CDC42BPA: variants seen among roughly 807,000 people sequenced by gnomAD.
CDC42BPA encodes the protein CDC42 binding protein kinase alpha.
CDC42BPA carries 80 observed loss-of-function variants against 223.5 expected under a neutral mutation model. The ratio of observed to expected loss-of-function variants is 0.36; its 90% CI spans 0.30 to 0.43. The LOEUF is 0.43. Ranked by LOEUF, CDC42BPA falls within the 20% of genes least tolerant of loss-of-function variation. The pLI, the probability that CDC42BPA is intolerant of heterozygous loss-of-function variation, is 1.00. For synonymous variants in CDC42BPA, 694 were observed against 718.6 expected (o/e 0.97, Z 0.55); for missense variants, 1,743 against 2,099.9 (o/e 0.83, Z 3.32).
chr1:227,051,461 G>A (rs1455673966), intron 22 of CDC42BPA, among the ~76,000 whole-genome samples: 1 of 152,108 alleles, frequency 6.6e-6, no homozygotes, highest in Non-Finnish European at 1.5e-5. Context: ...CTATTCAGTT[G>A]CCAGAAGTGG....
At chr1:227,229,117 C>T (rs562110659) in intron 2 of CDC42BPA, among the ~76,000 whole-genome samples, 3 of 152,208 alleles carry the variant, frequency 2.0e-5, no homozygotes, top group South Asian at 2.1e-4. Flanking sequence ...AAAATTTACA[C>T]CTATGTTTCC....
intron 27 of CDC42BPA, 142 bp downstream of exon 27, chr1:227,033,192 T>G (rs1018862984): frequency 1.3e-5 from 7 of 543,742 alleles, no homozygotes; most frequent in Non-Finnish European, 2.0e-5. Context: ...TTCTATACCT[T>G]CAAGTACTGG....
intron 21 of CDC42BPA, 136 bp downstream of exon 21, chr1:227,069,641 A>C: frequency 1.7e-6 from 1 of 584,458 alleles, no homozygotes; most frequent in Non-Finnish European, 3.1e-6. Flanking sequence ...TCCTCTGCTA[A>C]TATGTTTTTG....
intron 23 of CDC42BPA, among the ~76,000 whole-genome samples, chr1:227,047,570 G>A (rs1012612554): frequency 2.0e-5 from 3 of 151,750 alleles, no homozygotes; most frequent in Non-Finnish European, 2.9e-5. Flanking sequence ...GGAAAAAAAA[G>A]TCCACCTGAA....
At position 227,006,904 on chromosome 1, in the gene CDC42BPA, A is replaced by G. The variant is rs147037026; in HGVS notation, c.4858-1793T>C. Among the ~76,000 whole-genome samples, 430 of 135,444 alleles carry G rather than the reference A, an allele frequency of 3.2e-3. 4 individuals are homozygous for G. Among genetic ancestry groups the G allele is most frequent in the African/African-American group, 0.012 (412 of 34,376 alleles). The allele number at this position is 135,444 out of a possible 152,430, so 88.9% of individuals were successfully genotyped here. A position where few individuals can be genotyped will look rare whatever the true frequency, so the allele number is the denominator to read the frequency against. On this transcript the variant is annotated intron_variant, in intron 34 of 36. Coordinates refer to ENST00000366766, the MANE Select transcript of CDC42BPA (RefSeq NM_001394014.1). Reference sequence around the variant, plus strand: ...GGAGGAGCCAAGATCACGCCACTGCACTCCGGCCTGGGCGTGCACTCACTC... The same window carrying G: ...GGAGGAGCCAAGATCACGCCACTGCGCTCCGGCCTGGGCGTGCACTCACTC...
At position 227,000,034 on chromosome 1, in the gene CDC42BPA, C is replaced by A. The variant is rs530330227; in HGVS notation, c.4975+4960G>T. On this transcript the variant is annotated intron_variant, in intron 35 of 36. Transcript: ENST00000366766. ...TGATGGGTGCAGCAAACTACCATGG[C>A]ACATGTATACCTATGTAACAAACCT... Among the ~76,000 whole-genome samples, 3 of 151,822 alleles carry A rather than the reference C, an allele frequency of 2.0e-5. No individual in the cohort carries two copies. In the South Asian group the frequency reaches 6.2e-4, roughly 32 times the overall value.
chr1:227,199,950 CA>C (rs1286273364), intron 3 of CDC42BPA, among the ~76,000 whole-genome samples: 1 of 152,094 alleles, frequency 6.6e-6, no homozygotes, highest in Non-Finnish European at 1.5e-5. Flanking sequence ...TAAATGTCTA[CA>C]TTTTGCCATA....
chr1:227,273,960 T>C (rs1418685514), intron 1 of CDC42BPA, among the ~76,000 whole-genome samples: 1 of 135,562 alleles, frequency 7.4e-6, no homozygotes, highest in Non-Finnish European at 1.5e-5. Flanking sequence ...GGGAGGTGTT[T>C]CCTGGTTTGA....
chr1:227,118,811 T>G (rs1351441386), intron 12 of CDC42BPA, among the ~76,000 whole-genome samples: 4 of 152,106 alleles, frequency 2.6e-5, no homozygotes, highest in Non-Finnish European at 5.9e-5. Context: ...CAGTTTTAAA[T>G]GACAAATATT....
chr1:227,249,099 T>C (rs1171357403), intron 2 of CDC42BPA, among the ~76,000 whole-genome samples: 1 of 152,074 alleles, frequency 6.6e-6, no homozygotes, highest in Non-Finnish European at 1.5e-5. Context: ...CATAGATTAA[T>C]GAAACAGAAT....
At chr1:227,157,955 C>CT (rs59212512) in intron 6 of CDC42BPA, among the ~76,000 whole-genome samples, 4,936 of 144,928 alleles carry the variant, frequency 0.034, 156 homozygotes, top group African/African-American at 0.088. Context: ...ATTTTTATAA[C>CT]TTTTTTTTTT....
chr1:227,193,686 G>A, intron 5 of CDC42BPA, 100 bp downstream of exon 5: 1 of 963,124 alleles, frequency 1.0e-6, no homozygotes, highest in Non-Finnish European at 1.5e-6. Context: ...GACGATAAAT[G>A]TATCCAAGAC....
In CDC42BPA at chr1:227,073,926, T is replaced by C; in HGVS notation, c.2673A>G (p.Arg891=). 1.2e-6 allele frequency: 2 copies of C among 1,611,502 alleles called. No homozygotes were observed. The highest frequency in any genetic ancestry group is 1.7e-6 in the Non-Finnish European group (2 of 1,179,374). Residue 891 remains arginine, a synonymous_variant, in exon 19 of 37, where the codon AGA becomes AGG. Coordinates refer to ENST00000366766, the MANE Select transcript of CDC42BPA (RefSeq NM_001394014.1). ...ACTCTTCTTGGATGGCCTGTTTGGC[T>C]CTTATTTCTGCATCCAGAGCCGACT... The part of the protein sequence containing the change: ...ELQSALDAEI[R]AKQAIQEELN...
At chr1:227,005,157 G>T in intron 34 of CDC42BPA, 46 bp from the exon 35 acceptor site, 1 of 1,290,426 alleles carries the variant, frequency 7.7e-7, no homozygotes, top group East Asian at 2.3e-5. Context: ...GAAAGAAACT[G>T]ATTTTTCTGC....
intron 12 of CDC42BPA, among the ~76,000 whole-genome samples, chr1:227,117,095 T>C (rs1484716503): frequency 6.6e-6 from 1 of 152,126 alleles, no homozygotes; most frequent in African/African-American, 2.4e-5. Context: ...TCCTTATGTG[T>C]AGGGTTTTAT....
At chr1:227,256,474 TTAAAAG>T (rs1417512565) in intron 1 of CDC42BPA, among the ~76,000 whole-genome samples, 1 of 151,984 alleles carries the variant, frequency 6.6e-6, no homozygotes, top group Admixed American at 6.6e-5. Context: ...ATCCCAGAAC[TTAAAAG>T]TAAAATAATA....
At chr1:226,998,081 T>A (rs539196852) in intron 35 of CDC42BPA, among the ~76,000 whole-genome samples, 1 of 152,226 alleles carries the variant, frequency 6.6e-6, no homozygotes, top group South Asian at 2.1e-4. Context: ...GGAATCCAAC[T>A]TACAAGGGAT....
intron 32 of CDC42BPA, among the ~76,000 whole-genome samples, chr1:227,020,949 T>C (rs911205097): frequency 1.3e-5 from 2 of 152,170 alleles, no homozygotes; most frequent in African/African-American, 4.8e-5. Context: ...ATTTCACTAT[T>C]GTTGGTTCTC....
At chr1:227,089,147 T>C (rs1004787415) in intron 16 of CDC42BPA, among the ~76,000 whole-genome samples, 2 of 152,220 alleles carry the variant, frequency 1.3e-5, no homozygotes, top group Non-Finnish European at 2.9e-5. Context: ...AAATCTGTAA[T>C]ATGTACCTTT....
Sources: allele counts gnomAD v4.1 joint callset (sites outside exome capture counted in the v4.1 genomes callset), GRCh38; gene constraint gnomAD v4.1.1; transcripts MANE v1.5; gene names NCBI Gene and HGNC (gene_info 2026-07-23, HGNC 2026-07-21).